USH2A: variants seen among roughly 807,000 people sequenced by gnomAD.
USH2A encodes the protein Usher syndrome 2A (autosomal recessive, mild).
A neutral mutation model predicts 538.9 loss-of-function variants in USH2A; 443 were observed. The observed-to-expected ratio is 0.82, with a 90% CI of 0.76 to 0.89. The LOEUF is 0.89. Ranked by LOEUF, USH2A falls within the 40% of genes least tolerant of loss-of-function variation. The pLI is 0.00. For missense variants in USH2A, 6,633 were observed against 6,324.8 expected (o/e 1.05, Z -1.65); for synonymous variants, 2,413 against 2,273.5 (o/e 1.06, Z -1.75).
intron 31 of USH2A, among the ~76,000 whole-genome samples, chr1:216,047,264 G>C (rs75055587): frequency 0.039 from 5,861 of 152,186 alleles, 407 homozygotes; most frequent in African/African-American, 0.13. Flanking sequence ...TCTCTCTGGG[G>C]CTTAGCTTGA....
At chr1:215,916,278 TC>T (rs1665951840) in intron 38 of USH2A, among the ~76,000 whole-genome samples, 1 of 151,984 alleles carries the variant, frequency 6.6e-6, no homozygotes, top group Non-Finnish European at 1.5e-5. Context: ...CTCAAGGTTG[TC>T]ACTAGTGTAG....
chr1:216,118,683 A>T (rs2033063533), intron 21 of USH2A, among the ~76,000 whole-genome samples: 2 of 152,352 alleles, frequency 1.3e-5, no homozygotes, highest in African/African-American at 2.4e-5. Context: ...TTTAGTTAAC[A>T]TGCTTCTTGT....
chr1:216,410,487 G>C (rs1421032531), intron 3 of USH2A, among the ~76,000 whole-genome samples: 2 of 151,872 alleles, frequency 1.3e-5, no homozygotes, highest in Admixed American at 1.3e-4. Context: ...ATTTTCTTTT[G>C]TTACACCTTT....
chr1:215,663,206 T>A (rs1657498228), intron 64 of USH2A, among the ~76,000 whole-genome samples: 1 of 152,168 alleles, frequency 6.6e-6, no homozygotes, highest in African/African-American at 2.4e-5. Context: ...TTAACCTGGC[T>A]TTTTTACAGT....
Position 216,365,079 on chromosome 1 carries a change from G to A in USH2A, c.658C>T (p.Gln220Ter). ...KWIHLSVQVH[Q>*]TKISFFINGV... Reference sequence around the variant, plus strand: ...TTGATAAAGAAGCTGATTTTTGTCTGATGCACCTGTAAGAAATTACCACCA... The same window carrying A: ...TTGATAAAGAAGCTGATTTTTGTCTAATGCACCTGTAAGAAATTACCACCA... The change falls in exon 4 of 72, where the codon CAG (glutamine) becomes TAG (stop). Residue 220 changes from glutamine (Q) to a stop codon, truncating the protein, a stop_gained. Coordinates refer to ENST00000307340, the MANE Select transcript of USH2A (RefSeq NM_206933.4). LOFTEE classifies it high-confidence loss of function. 6.2e-7 allele frequency: 1 copy of A among 1,612,118 alleles called. No homozygotes were observed. The highest frequency in any genetic ancestry group is 8.5e-7 in the Non-Finnish European group (1 of 1,178,998).
At chr1:216,155,500 C>T (rs903472185) in intron 21 of USH2A, among the ~76,000 whole-genome samples, 2 of 152,092 alleles carry the variant, frequency 1.3e-5, no homozygotes, top group Admixed American at 6.5e-5. Flanking sequence ...TGTTGCCCCA[C>T]CCAGAGACAG....
chr1:216,086,970 G>T (rs1011608188), intron 23 of USH2A, 150 bp from the exon 24 acceptor site: 1 of 652,860 alleles, frequency 1.5e-6, no homozygotes, highest in Non-Finnish European at 2.8e-6. Context: ...TTCTTCACTG[G>T]CTCTTCCTCA....
chr1:216,409,721 A>C (rs943876613), intron 3 of USH2A, among the ~76,000 whole-genome samples: 4 of 152,194 alleles, frequency 2.6e-5, no homozygotes, highest in Non-Finnish European at 4.4e-5. Context: ...CATATATAAA[A>C]ATCAACTCAA....
At chr1:216,250,092 T>C (rs534507882) in intron 12 of USH2A, among the ~76,000 whole-genome samples, 1 of 152,250 alleles carries the variant, frequency 6.6e-6, no homozygotes, top group African/African-American at 2.4e-5. Flanking sequence ...CTCATAATAT[T>C]CTCATATATC....
chr1:215,790,617 G>T (rs747682507), intron 50 of USH2A, among the ~76,000 whole-genome samples: 7 of 152,146 alleles, frequency 4.6e-5, no homozygotes, highest in Non-Finnish European at 1.0e-4. Context: ...TGTTGCAGAA[G>T]AAGGTTAGTT....
intron 62 of USH2A, among the ~76,000 whole-genome samples, chr1:215,676,226 A>G (rs1362085947): frequency 6.6e-6 from 1 of 152,242 alleles, no homozygotes; most frequent in Middle Eastern, 3.4e-3. Flanking sequence ...TAGGGGATGG[A>G]AAAAAACACC....
At position 215,635,815 on chromosome 1, in the gene USH2A, A is replaced by G. The variant is rs180929999; in HGVS notation, c.15053-1112T>C. ...ATGATCCGCCTGCCTCGGCCTTCCA[A>G]CATGCTGGGATTACAGGCATGAGCC... On this transcript the variant is annotated intron_variant, in intron 69 of 71. Transcript: ENST00000307340. Among the ~76,000 whole-genome samples, 15 of 152,234 alleles carry G rather than the reference A, an allele frequency of 9.9e-5. No homozygotes were observed. The East Asian group carries it at 2.5e-3, about 26-fold the overall frequency.
At chr1:216,281,211 T>G (rs975885219) in intron 11 of USH2A, among the ~76,000 whole-genome samples, 1 of 150,052 alleles carries the variant, frequency 6.7e-6, no homozygotes, top group Non-Finnish European at 1.5e-5. Context: ...AATGTGGGGG[T>G]TTAAAGTCAG....
At chr1:215,836,565 A>AATATATATATATATATAT (rs1663536970) in intron 47 of USH2A, among the ~76,000 whole-genome samples, 1 of 32,878 alleles carries the variant, frequency 3.0e-5, no homozygotes, top group Non-Finnish European at 5.8e-5. Flanking sequence ...ATATATATAT[A>AATATATATATATATATAT]TTTTTTTTTG....
At position 215,728,030 on chromosome 1, in the gene USH2A, C is replaced by T. The variant is rs958276281; in HGVS notation, c.12066G>A (p.Lys4022=). The change falls in exon 61 of 72, where the codon AAG becomes AAA. Residue 4022 remains lysine (K), a splice_region_variant and synonymous_variant. Coordinates refer to ENST00000307340, the MANE Select transcript of USH2A (RefSeq NM_206933.4). ...CTGTTACTTTTCTAAAGGGTCTTACCTTCACTGTGAAAGCATGCACGGTAG... is the reference window on the plus strand; with the variant it reads ...CTGTTACTTTTCTAAAGGGTCTTACTTTCACTGTGAAAGCATGCACGGTAG... The part of the protein sequence containing the change: ...NSPTVHAFTV[K]GTSHQAHLYG... The T allele has an allele frequency of 3.7e-6, 6 of 1,613,864 alleles. No individual in the cohort carries two copies. Among genetic ancestry groups the T allele is most frequent in the Non-Finnish European group, 5.1e-6 (6 of 1,180,008 alleles).
chr1:215,780,851 G>A (rs1223874777), intron 54 of USH2A, among the ~76,000 whole-genome samples: 2 of 152,208 alleles, frequency 1.3e-5, no homozygotes, highest in African/African-American at 4.8e-5. Context: ...TTGCATTCTT[G>A]CACTGTGGCT....
At chr1:215,827,368 G>A (rs1035176273) in intron 47 of USH2A, among the ~76,000 whole-genome samples, 3 of 152,156 alleles carry the variant, frequency 2.0e-5, no homozygotes, top group Non-Finnish European at 2.9e-5. Flanking sequence ...CTACTTCAGC[G>A]ACCGAGCTGT....
At chr1:216,289,145 C>T (rs552585368) in intron 11 of USH2A, 135 bp downstream of exon 11, 2 of 1,324,600 alleles carry the variant, frequency 1.5e-6, no homozygotes, top group East Asian at 2.4e-5. Context: ...CACGAACAAC[C>T]ATCTCTTTGA....
chr1:216,265,998 A>T (rs1367846054), intron 11 of USH2A, among the ~76,000 whole-genome samples: 2 of 152,124 alleles, frequency 1.3e-5, no homozygotes, highest in Non-Finnish European at 2.9e-5. Flanking sequence ...CTGTATGGTG[A>T]CTATAGTTAA....
Sources: allele counts gnomAD v4.1 joint callset (sites outside exome capture counted in the v4.1 genomes callset), GRCh38; gene constraint gnomAD v4.1.1; transcripts MANE v1.5; gene names NCBI Gene and HGNC (gene_info 2026-07-23, HGNC 2026-07-21).